The following SPPL3 variants were observed in gnomAD, a reference collection of about 807,000 sequenced individuals.
SPPL3 encodes the protein signal peptide peptidase-like 3.
A neutral mutation model predicts 42.4 loss-of-function variants in SPPL3; 5 were observed. The observed-to-expected ratio is 0.12, with a 90% CI of 0.06 to 0.25. SPPL3 has a LOEUF of 0.25. Among genes scored for constraint, SPPL3 ranks in the 10% least tolerant of loss-of-function variants. The pLI is 1.00. For missense variants in SPPL3, 235 were observed against 489.0 expected (o/e 0.48, Z 4.90); for synonymous variants, 195 against 181.8 (o/e 1.07, Z -0.58).
intron 1 of SPPL3, among the ~76,000 whole-genome samples, chr12:120,835,206 A>T (rs1871570648): frequency 6.6e-6 from 1 of 152,050 alleles, no homozygotes; most frequent in Non-Finnish European, 1.5e-5. Flanking sequence ...CTGTAAAATC[A>T]GTTATCACTC....
intron 1 of SPPL3, among the ~76,000 whole-genome samples, chr12:120,853,971 C>T (rs1227029459): frequency 7.6e-6 from 1 of 131,386 alleles, no homozygotes; most frequent in Non-Finnish European, 1.6e-5. Context: ...CACCACCACA[C>T]ACACGCACAC....
rs1246999754 is a variant in SPPL3, at chr12:120,853,976, G to GCACACACACACA, written c.24-43091_24-43090insTGTGTGTGTGTG. Among the ~76,000 whole-genome samples the GCACACACACACA allele has an allele frequency of 1.0e-3, 65 of 64,182 alleles. 1 individual carries two copies. The highest frequency in any genetic ancestry group is 2.1e-4 in the Non-Finnish European group (7 of 32,686). 42.1% of individuals were successfully genotyped at this position (64,182 alleles called of 152,430 possible). ...CAAACACCACCACCACCACACACACGCACACATACACACACACACACACAC... is the reference window on the plus strand; with the variant it reads ...CAAACACCACCACCACCACACACACGCACACACACACACACACATACACACACACACACACAC... On this transcript the variant is annotated intron_variant, in intron 1 of 10. Coordinates refer to ENST00000353487, the MANE Select transcript of SPPL3 (RefSeq NM_139015.5).
intron 2 of SPPL3, among the ~76,000 whole-genome samples, chr12:120,806,718 G>A (rs1181817143): frequency 1.3e-5 from 2 of 151,868 alleles, no homozygotes; most frequent in African/African-American, 4.8e-5. Context: ...GCATGGTGAC[G>A]GGTGCCTAGT....
intron 1 of SPPL3, among the ~76,000 whole-genome samples, chr12:120,870,359 C>T (rs1208148368): frequency 6.6e-6 from 1 of 152,158 alleles, no homozygotes; most frequent in Non-Finnish European, 1.5e-5. Flanking sequence ...GCAGGAGAAT[C>T]ACTTGAACCC....
chr12:120,847,356 G>A (rs535641797), intron 1 of SPPL3, among the ~76,000 whole-genome samples: 28 of 152,168 alleles, frequency 1.8e-4, no homozygotes, highest in African/African-American at 5.1e-4. Flanking sequence ...GCAGTGGTGT[G>A]ATCTTGGCTT....
chr12:120,858,109 C>T (rs1456807357), intron 1 of SPPL3, among the ~76,000 whole-genome samples: 1 of 151,566 alleles, frequency 6.6e-6, no homozygotes, highest in East Asian at 1.9e-4. Flanking sequence ...AAAAACATAC[C>T]AGAAAAAAAA....
chr12:120,867,723 T>C (rs907221179), intron 1 of SPPL3, among the ~76,000 whole-genome samples: 7 of 141,488 alleles, frequency 4.9e-5, no homozygotes, highest in African/African-American at 1.8e-4. Flanking sequence ...TGAACAACTA[T>C]GGTATTAGAC....
rs200311993 is a variant in SPPL3 at position 120,836,558 on chromosome 12, GC to G, written c.24-25673del. 1.1e-3 allele frequency among the ~76,000 whole-genome samples: 121 copies of G among 114,454 alleles called. 1 individual carries two copies. The highest frequency in any genetic ancestry group is 3.9e-3 in the African/African-American group (115 of 29,818). 75.1% of individuals were successfully genotyped at this position (114,454 alleles called of 152,430 possible). A position where few individuals can be genotyped will look rare whatever the true frequency, so the allele number is the denominator to read the frequency against. On this transcript the variant is annotated intron_variant, in intron 1 of 10. Transcript: ENST00000353487. ...ACAAAGACAAAACCATCCCAACTGA[GC>G]CCCTGCCCAAATGCAGATCTGAAGA...
chr12:120,771,326 A>G (rs977545164), intron 6 of SPPL3, among the ~76,000 whole-genome samples: 1 of 151,998 alleles, frequency 6.6e-6, no homozygotes, highest in Non-Finnish European at 1.5e-5. Context: ...TCTACCCCCC[A>G]TGCCGCCGCT....
At chr12:120,861,962 TGAA>T (rs1812613650) in intron 1 of SPPL3, among the ~76,000 whole-genome samples, 1 of 152,178 alleles carries the variant, frequency 6.6e-6, no homozygotes, top group Non-Finnish European at 1.5e-5. Context: ...GCAACATACT[TGAA>T]GGTATTAAGA....
chr12:120,874,177 G>A (rs1257315208), intron 1 of SPPL3, among the ~76,000 whole-genome samples: 1 of 152,090 alleles, frequency 6.6e-6, no homozygotes, highest in Admixed American at 6.5e-5. Context: ...ATATGGCCAG[G>A]CGTGGTGGCT....
intron 1 of SPPL3, chr12:120,845,131 C>A: frequency 2.3e-6 from 1 of 441,786 alleles, no homozygotes. Flanking sequence ...CCGGAGCGGA[C>A]TAGACAGCCA....
chr12:120,899,593 TTAAAAA>T (rs1275802161), intron 1 of SPPL3, among the ~76,000 whole-genome samples: 2 of 151,954 alleles, frequency 1.3e-5, no homozygotes, highest in African/African-American at 4.8e-5. Context: ...ACTGTAAGTA[TTAAAAA>T]TAAAAAGATC....
At chr12:120,776,688 G>C (rs1470864399) in intron 6 of SPPL3, among the ~76,000 whole-genome samples, 1 of 152,076 alleles carries the variant, frequency 6.6e-6, no homozygotes, top group African/African-American at 2.4e-5. Context: ...ATTGTTTTGA[G>C]AAACAGCTCA....
chr12:120,903,732 G>GCCC (rs71076684), intron 1 of SPPL3, 113 bp downstream of exon 1: 190 of 385,408 alleles, frequency 4.9e-4, no homozygotes, highest in South Asian at 2.0e-3. Flanking sequence ...CCCAACCCGC[G>GCCC]CCCCCCCCCC....
At chr12:120,816,376 T>C (rs1029752614) in intron 1 of SPPL3, among the ~76,000 whole-genome samples, 2 of 152,252 alleles carry the variant, frequency 1.3e-5, no homozygotes, top group East Asian at 1.9e-4. Flanking sequence ...TTATAATTTA[T>C]ACTAAGATCT....
intron 1 of SPPL3, among the ~76,000 whole-genome samples, chr12:120,848,461 T>C (rs1872116771): frequency 1.3e-5 from 2 of 152,174 alleles, no homozygotes; most frequent in Non-Finnish European, 2.9e-5. Flanking sequence ...CTGCTATTTC[T>C]TGTCCAATCT....
chr12:120,815,923 T>G (rs561155116), intron 1 of SPPL3, among the ~76,000 whole-genome samples: 1 of 152,026 alleles, frequency 6.6e-6, no homozygotes, highest in Non-Finnish European at 1.5e-5. Context: ...AGAGACAGGG[T>G]TTTGTCACGT....
chr12:120,795,203 T>C (rs1870057960), intron 2 of SPPL3, among the ~76,000 whole-genome samples: 1 of 152,242 alleles, frequency 6.6e-6, no homozygotes, highest in African/African-American at 2.4e-5. Context: ...TGCTTCAACC[T>C]GCCAAGTAGC....
Sources: allele counts gnomAD v4.1 joint callset (sites outside exome capture counted in the v4.1 genomes callset), GRCh38; gene constraint gnomAD v4.1.1; transcripts MANE v1.5; gene names NCBI Gene and HGNC (gene_info 2026-07-23, HGNC 2026-07-21).